MGAT4C: variants seen among roughly 807,000 people sequenced by gnomAD.
The protein encoded by MGAT4C is MGAT4 family member C.
MGAT4C carries 19 observed loss-of-function variants against 40.1 expected under a neutral mutation model. The observed-to-expected ratio is 0.47, with a 90% confidence interval of 0.33 to 0.70. MGAT4C has a LOEUF of 0.70. Ranked by LOEUF, MGAT4C falls within the 30% of genes least tolerant of loss-of-function variation. MGAT4C has a pLI of 0.02. For missense variants in MGAT4C, 491 were observed against 563.2 expected, an observed-to-expected ratio of 0.87 and a Z score of 1.30; for synonymous variants, 181 against 187.1, an observed-to-expected ratio of 0.97 and a Z score of 0.27.
At chr12:86,369,723 T>G (rs1955681514) in intron 3 of MGAT4C, among the ~76,000 whole-genome samples, 1 of 152,044 alleles carries the variant, frequency 6.6e-6, no homozygotes, top group African/African-American at 2.4e-5. Context: ...ATTGACAAAC[T>G]ACAAAATAGA....
chr12:86,187,494 C>T (rs1461094773), intron 1 of MGAT4C, among the ~76,000 whole-genome samples: 4 of 151,904 alleles, frequency 2.6e-5, no homozygotes, highest in Non-Finnish European at 5.9e-5. Flanking sequence ...TACATTACTC[C>T]AAGAATGTGG....
At position 86,526,389 on chromosome 12, in the gene MGAT4C, C is replaced by A. The variant is rs188804841; in HGVS notation, c.-228-91124G>T. On this transcript the variant is annotated intron_variant, in intron 2 of 7. Coordinates refer to the MGAT4C transcript ENST00000548651. Reference sequence around the variant, plus strand: ...CTGGTGGAGCAAGAAAAGCAACACACACACACAAAGTGATATGGAGGGTTT... The same window carrying A: ...CTGGTGGAGCAAGAAAAGCAACACAAACACACAAAGTGATATGGAGGGTTT... 2.8e-4 allele frequency among the ~76,000 whole-genome samples: 43 copies of A among 152,258 alleles called. No homozygotes were observed. In the East Asian group the frequency reaches 4.5e-3, roughly 16 times the overall value.
At chr12:86,119,424 CT>C (rs1312470953) in intron 1 of MGAT4C, among the ~76,000 whole-genome samples, 1 of 151,594 alleles carries the variant, frequency 6.6e-6, no homozygotes, top group Non-Finnish European at 1.5e-5. Flanking sequence ...ATTTTTCTTC[CT>C]TTTTTTTCTT....
intron 2 of MGAT4C, among the ~76,000 whole-genome samples, chr12:86,489,550 G>C (rs1739179538): frequency 6.6e-6 from 1 of 152,208 alleles, no homozygotes. Context: ...AGACCTAAAA[G>C]AGCATTGTAA....
chr12:86,028,119 T>C, intron 2 of MGAT4C: 1 of 1,287,874 alleles, frequency 7.8e-7, no homozygotes, highest in Non-Finnish European at 1.0e-6. Context: ...ATCTTCTGGA[T>C]CCCTTTGCCA....
chr12:86,373,780 G>T (rs889548570), intron 3 of MGAT4C, among the ~76,000 whole-genome samples: 1 of 151,802 alleles, frequency 6.6e-6, no homozygotes, highest in African/African-American at 2.4e-5. Flanking sequence ...AACTAAGGTT[G>T]TTTAGTGGGC....
intron 1 of MGAT4C, among the ~76,000 whole-genome samples, chr12:86,778,077 A>G (rs936935287): frequency 2.0e-5 from 3 of 152,142 alleles, no homozygotes; most frequent in Non-Finnish European, 4.4e-5. Context: ...TAGCTTACAA[A>G]TTGCTTGGCC....
chr12:86,059,214 T>C (rs1893693264), intron 1 of MGAT4C, among the ~76,000 whole-genome samples: 1 of 152,062 alleles, frequency 6.6e-6, no homozygotes, highest in African/African-American at 2.4e-5. Flanking sequence ...ACTTGACTAA[T>C]TTTTGTATTT....
At chr12:86,250,579 A>T (rs866641282) in intron 1 of MGAT4C, among the ~76,000 whole-genome samples, 12 of 152,256 alleles carry the variant, frequency 7.9e-5, no homozygotes, top group Middle Eastern at 6.8e-3. Context: ...TGAAACTCTC[A>T]TTGACTTATG....
chr12:86,503,551 CATATATATATATATATGAGTTCTGCTCAT>C (rs1958406356), intron 2 of MGAT4C, among the ~76,000 whole-genome samples: 1 of 9,096 alleles, frequency 1.1e-4, no homozygotes, highest in Non-Finnish European at 1.6e-4. Flanking sequence ...GAGTTCTGCT[CATATATATATATATATGAGTTCTGCTCAT>C]ATATATATAT....
intron 2 of MGAT4C, among the ~76,000 whole-genome samples, chr12:86,652,663 T>C (rs1488871511): frequency 6.6e-6 from 1 of 151,838 alleles, no homozygotes; most frequent in African/African-American, 2.4e-5. Context: ...TAAACAATGG[T>C]CAAATGAAAA....
intron 1 of MGAT4C, among the ~76,000 whole-genome samples, chr12:86,060,564 A>T (rs1236686558): frequency 6.6e-6 from 1 of 152,172 alleles, no homozygotes; most frequent in Non-Finnish European, 1.5e-5. Flanking sequence ...TTATAAAATT[A>T]TATCCTAGGA....
intron 2 of MGAT4C, among the ~76,000 whole-genome samples, chr12:86,675,965 A>T (rs912464126): frequency 9.9e-5 from 3 of 30,360 alleles, no homozygotes; most frequent in Non-Finnish European, 4.0e-4. Context: ...TCACAAAGAT[A>T]AAAAAGCAAA....
At chr12:86,160,978 T>C (rs1199188534) in intron 1 of MGAT4C, among the ~76,000 whole-genome samples, 1 of 152,002 alleles carries the variant, frequency 6.6e-6, no homozygotes, top group Non-Finnish European at 1.5e-5. Context: ...ACATGTGAGA[T>C]GAGTTTCTTG....
chr12:86,829,982 T>C (rs2136234914), intron 1 of MGAT4C, among the ~76,000 whole-genome samples: 1 of 151,470 alleles, frequency 6.6e-6, no homozygotes, highest in East Asian at 1.9e-4. Flanking sequence ...TTTAGAAGTA[T>C]CCTTAATAAA....
At chr12:86,197,418 A>G (rs1025622871) in intron 1 of MGAT4C, among the ~76,000 whole-genome samples, 6 of 152,208 alleles carry the variant, frequency 3.9e-5, no homozygotes, top group African/African-American at 9.6e-5. Context: ...CTGACATATT[A>G]GATGGGATCT....
intron 1 of MGAT4C, among the ~76,000 whole-genome samples, chr12:86,119,598 AG>A (rs1461997739): frequency 6.6e-6 from 1 of 151,536 alleles, no homozygotes; most frequent in African/African-American, 2.4e-5. Flanking sequence ...TAGTAGAGAC[AG>A]GGTTTCACCA....
intron 1 of MGAT4C, among the ~76,000 whole-genome samples, chr12:86,146,632 A>G (rs1431327430): frequency 1.3e-5 from 2 of 152,014 alleles, no homozygotes; most frequent in Non-Finnish European, 2.9e-5. Context: ...AGCACTGGAT[A>G]TTTTTGAGAT....
At chr12:86,050,381 GC>G (rs1892785237) in intron 1 of MGAT4C, among the ~76,000 whole-genome samples, 1 of 152,074 alleles carries the variant, frequency 6.6e-6, no homozygotes, top group African/African-American at 2.4e-5. Context: ...AAGATAACAT[GC>G]CTTTAAAATT....
Sources: gnomAD v4.1 joint callset for allele counts (sites outside exome capture counted in the v4.1 genomes callset) on GRCh38, gnomAD v4.1.1 for gene constraint, MANE v1.5 for transcripts, NCBI Gene and HGNC (gene_info 2026-07-23, HGNC 2026-07-21) for gene names.